The following GPHN variants were observed in gnomAD, a reference collection of about 807,000 sequenced individuals.
The protein encoded by GPHN is gephyrin.
Under a neutral mutation model 95.5 loss-of-function variants are expected in GPHN, and 17 were observed. That is an observed-to-expected ratio of 0.18 (90% confidence interval 0.12 to 0.27). GPHN has a LOEUF of 0.27. Among genes scored for constraint, GPHN ranks in the 10% least tolerant of loss-of-function variants. GPHN has a pLI of 1.00. For synonymous variants in GPHN, 320 were observed against 322.5 expected (o/e 0.99, Z 0.08); for missense variants, 660 against 978.1 (o/e 0.67, Z 4.34).
chr14:67,260,541 T>G, the GPHN span, among the ~76,000 whole-genome samples: 1 of 152,192 alleles, frequency 6.6e-6, no homozygotes, highest in Non-Finnish European at 1.5e-5. Context: ...AGGCGTAGAT[T>G]AAGTACTCTA....
chr14:66,610,316 G>A (rs2140928633), intron 1 of GPHN, among the ~76,000 whole-genome samples: 1 of 152,238 alleles, frequency 6.6e-6, no homozygotes, highest in East Asian at 1.9e-4. Context: ...CAAGTTTAGA[G>A]CACCGCTGTC....
At chr14:66,837,611 AT>A (rs2061897432) in intron 4 of GPHN, among the ~76,000 whole-genome samples, 2 of 128,748 alleles carry the variant, frequency 1.6e-5, no homozygotes, top group African/African-American at 7.4e-5. Context: ...AAATAAATAA[AT>A]AAAAATAAAT....
At chr14:67,303,713 T>C in the GPHN span, 6 of 718,222 alleles carry the variant, frequency 8.4e-6, no homozygotes, top group Non-Finnish European at 1.4e-5. Flanking sequence ...AATTCAATCA[T>C]TTTTATTTAA....
the GPHN span, chr14:67,321,256 A>T: frequency 2.5e-6 from 4 of 1,613,976 alleles, no homozygotes; most frequent in Non-Finnish European, 3.4e-6. Flanking sequence ...GTCTTCGTAC[A>T]CAGGTAAAGC....
intron 1 of GPHN, among the ~76,000 whole-genome samples, chr14:66,530,236 G>C (rs913940523): frequency 2.6e-5 from 4 of 152,126 alleles, no homozygotes; most frequent in African/African-American, 9.7e-5. Flanking sequence ...CCTGGGCTTT[G>C]TTTACACCGT....
chr14:67,536,836 A>G, the GPHN span, among the ~76,000 whole-genome samples: 6 of 151,822 alleles, frequency 4.0e-5, no homozygotes, highest in African/African-American at 1.5e-4. Flanking sequence ...TGAGGTCAGG[A>G]GTTTGACCAG....
chr14:66,944,010 G>A (rs1209671960), intron 8 of GPHN, among the ~76,000 whole-genome samples: 2 of 151,876 alleles, frequency 1.3e-5, no homozygotes, highest in Non-Finnish European at 1.5e-5. Flanking sequence ...CAAGACAAAC[G>A]GAGAAAAATA....
intron 2 of GPHN, among the ~76,000 whole-genome samples, chr14:66,686,548 A>G (rs147878664): frequency 0.059 from 8,932 of 152,010 alleles, 358 homozygotes; most frequent in Middle Eastern, 0.099. Flanking sequence ...TTGGCTCTCT[A>G]TTTGTCTGTT....
chr14:67,417,520 C>A, the GPHN span, among the ~76,000 whole-genome samples: 1 of 151,958 alleles, frequency 6.6e-6, no homozygotes, highest in Admixed American at 6.6e-5. Flanking sequence ...CAGCCTCCAC[C>A]TCCCAGGTAT....
the GPHN span, among the ~76,000 whole-genome samples, chr14:67,560,642 C>T: frequency 1.3e-5 from 2 of 151,472 alleles, no homozygotes; most frequent in African/African-American, 2.4e-5. Flanking sequence ...CTTGAAGCTA[C>T]AGTGCTATCA....
At chr14:66,700,799 T>C (rs1293689289) in intron 2 of GPHN, among the ~76,000 whole-genome samples, 1 of 152,050 alleles carries the variant, frequency 6.6e-6, no homozygotes, top group African/African-American at 2.4e-5. Context: ...GGCGTGCGCC[T>C]ATAGTCCCAG....
chr14:67,093,438 T>A (rs534459763), intron 12 of GPHN, among the ~76,000 whole-genome samples: 1 of 152,082 alleles, frequency 6.6e-6, no homozygotes, highest in Non-Finnish European at 1.5e-5. Context: ...TTGTATCCAT[T>A]TGAATCCTCT....
chr14:67,021,686 C>A (rs2073636484), intron 9 of GPHN, among the ~76,000 whole-genome samples: 1 of 151,938 alleles, frequency 6.6e-6, no homozygotes, highest in African/African-American at 2.4e-5. Context: ...TTTTATGAGA[C>A]AATTTGAACT....
chr14:67,267,290 C>G, the GPHN span, among the ~76,000 whole-genome samples: 1 of 152,032 alleles, frequency 6.6e-6, no homozygotes, highest in African/African-American at 2.4e-5. Context: ...CGGAATTTCA[C>G]TCTTGTCGCC....
At chr14:67,364,742 C>T in the GPHN span, 173,342 of 1,593,394 alleles carry the variant, frequency 0.11, 18,654 homozygotes, top group East Asian at 0.46. Context: ...TGAATACTTA[C>T]TTAATTCTTT....
At chr14:67,558,700 C>CAG in the GPHN span, among the ~76,000 whole-genome samples, 4 of 152,194 alleles carry the variant, frequency 2.6e-5, no homozygotes, top group Admixed American at 1.3e-4. Context: ...CATGAATGGA[C>CAG]AGAGGCAAGT....
chr14:67,069,982 A>G (rs2076218564), intron 11 of GPHN, among the ~76,000 whole-genome samples: 1 of 152,160 alleles, frequency 6.6e-6, no homozygotes, highest in Admixed American at 6.5e-5. Context: ...TCAGTCTAGT[A>G]AGGTCTTCAC....
chr14:66,766,790 C>T (rs1402386288), intron 2 of GPHN, among the ~76,000 whole-genome samples: 2 of 151,976 alleles, frequency 1.3e-5, no homozygotes, highest in African/African-American at 4.8e-5. Flanking sequence ...TACATATGTG[C>T]AAACACACAC....
chr14:67,512,447 T>A, the GPHN span, among the ~76,000 whole-genome samples: 1 of 152,164 alleles, frequency 6.6e-6, no homozygotes, highest in Non-Finnish European at 1.5e-5. Context: ...CTTTGCCAGG[T>A]CAGAAATTAT....
Sources: allele counts gnomAD v4.1 joint callset (sites outside exome capture counted in the v4.1 genomes callset), GRCh38; gene constraint gnomAD v4.1.1; transcripts MANE v1.5; gene names NCBI Gene and HGNC (gene_info 2026-07-23, HGNC 2026-07-21).